The following PDSS2 variants were observed in gnomAD, a reference collection of about 807,000 sequenced individuals.
PDSS2 encodes the protein decaprenyl diphosphate synthase subunit 2.
In PDSS2, 31 loss-of-function variants were observed where a neutral mutation model predicts 44.5. The ratio of observed to expected loss-of-function variants is 0.70; its 90% confidence interval spans 0.52 to 0.94. The LOEUF is 0.94. Among genes scored for constraint, PDSS2 ranks in the 40% least tolerant of loss-of-function variants. The pLI, the probability that PDSS2 is intolerant of heterozygous loss-of-function variation, is 0.00. For missense variants in PDSS2, 452 were observed against 482.2 expected, an observed-to-expected ratio of 0.94 and a Z score of 0.59; for synonymous variants, 157 against 180.3, an observed-to-expected ratio of 0.87 and a Z score of 1.03.
chr6:107,319,576 C>G (rs926686393), intron 2 of PDSS2, among the ~76,000 whole-genome samples: 1 of 152,108 alleles, frequency 6.6e-6, no homozygotes, highest in African/African-American at 2.4e-5. Context: ...AAGGAAAGAC[C>G]TAAAATGGAT....
intron 1 of PDSS2, among the ~76,000 whole-genome samples, chr6:107,406,013 A>C (rs559130865): frequency 6.6e-6 from 1 of 152,292 alleles, no homozygotes; most frequent in East Asian, 1.9e-4. Context: ...CAATATATCC[A>C]TGTATCAAAA....
At chr6:107,292,502 CTCAGCAAGGAG>C (rs1449732671) in intron 2 of PDSS2, among the ~76,000 whole-genome samples, 1 of 152,194 alleles carries the variant, frequency 6.6e-6, no homozygotes, top group East Asian at 1.9e-4. Context: ...GATGTTGGGA[CTCAGCAAGGAG>C]TCACCATATT....
intron 6 of PDSS2, 37 bp downstream of exon 6, chr6:107,210,402 A>G: frequency 6.7e-7 from 1 of 1,486,992 alleles, no homozygotes; most frequent in Non-Finnish European, 9.4e-7. Flanking sequence ...TCCACTAATT[A>G]CTACTGGTAC....
At chr6:107,286,339 C>T (rs1433272980) in intron 2 of PDSS2, among the ~76,000 whole-genome samples, 3 of 150,088 alleles carry the variant, frequency 2.0e-5, no homozygotes, top group Admixed American at 6.7e-5. Flanking sequence ...GAAACCCCAC[C>T]TCTACTAAAA....
intron 7 of PDSS2, among the ~76,000 whole-genome samples, chr6:107,176,931 G>A (rs1444731848): frequency 6.6e-6 from 1 of 152,018 alleles, no homozygotes; most frequent in Non-Finnish European, 1.5e-5. Flanking sequence ...AGTAGTGCTT[G>A]CTATGTCAAG....
intron 7 of PDSS2, among the ~76,000 whole-genome samples, chr6:107,186,614 C>A (rs1373528128): frequency 6.6e-6 from 1 of 152,138 alleles, no homozygotes; most frequent in African/African-American, 2.4e-5. Flanking sequence ...TTCGCGCCCC[C>A]CTACCCCCCA....
intron 1 of PDSS2, among the ~76,000 whole-genome samples, chr6:107,448,474 G>A (rs2114842838): frequency 6.6e-6 from 1 of 152,274 alleles, no homozygotes; most frequent in African/African-American, 2.4e-5. Flanking sequence ...TAGCAAGAGT[G>A]ACCTTTACTC....
At chr6:107,264,740 AC>A (rs1461770468) in intron 3 of PDSS2, among the ~76,000 whole-genome samples, 1 of 152,162 alleles carries the variant, frequency 6.6e-6, no homozygotes, top group Non-Finnish European at 1.5e-5. Flanking sequence ...GTACTTCTCC[AC>A]TTCATGATTT....
intron 2 of PDSS2, among the ~76,000 whole-genome samples, chr6:107,290,943 C>T (rs766671362): frequency 1.3e-5 from 2 of 150,732 alleles, no homozygotes; most frequent in Non-Finnish European, 2.9e-5. Flanking sequence ...TGGGAGCAGA[C>T]GGAGAAACAG....
chr6:107,419,075 C>T (rs1212302892), intron 1 of PDSS2, among the ~76,000 whole-genome samples: 1 of 151,728 alleles, frequency 6.6e-6, no homozygotes, highest in East Asian at 1.9e-4. Context: ...CATGCCTTCT[C>T]CTGTCCCCAG....
chr6:107,228,459 C>T (rs1184674201), intron 4 of PDSS2, among the ~76,000 whole-genome samples: 4 of 152,102 alleles, frequency 2.6e-5, no homozygotes, highest in African/African-American at 4.8e-5. Context: ...TTTGGGAGGC[C>T]GAGGTGGGCA....
chr6:107,305,192 C>T (rs746122382), intron 2 of PDSS2, among the ~76,000 whole-genome samples: 12 of 151,860 alleles, frequency 7.9e-5, no homozygotes, highest in Admixed American at 3.3e-4. Context: ...TTCATATTAA[C>T]ACCATACCTT....
intron 1 of PDSS2, among the ~76,000 whole-genome samples, chr6:107,451,997 T>C (rs1280735973): frequency 2.0e-5 from 3 of 152,132 alleles, no homozygotes; most frequent in Admixed American, 2.0e-4. Context: ...AGGTTTTTCT[T>C]TTAGCCCATT....
Position 107,208,780 on chromosome 6 carries a change from C to T in PDSS2, c.1008+1659G>A, listed in dbSNP as rs111488146. Among the ~76,000 whole-genome samples, 179 of 151,846 alleles carry T rather than the reference C, an allele frequency of 1.2e-3. 1 individual carries two copies. Among genetic ancestry groups the T allele is most frequent in the African/African-American group, 4.0e-3 (164 of 41,402 alleles). On this transcript the variant is annotated intron_variant, in intron 6 of 7. Coordinates refer to ENST00000369037, the MANE Select transcript of PDSS2 (RefSeq NM_020381.4). ...TTCACCATGTTGGCCAGGCTGGTCTCGAACTCCTGACCTCAGGCGATCCAC... is the reference window on the plus strand; with the variant it reads ...TTCACCATGTTGGCCAGGCTGGTCTTGAACTCCTGACCTCAGGCGATCCAC...
At chr6:107,156,197 T>A (rs1426765248) in intron 7 of PDSS2, among the ~76,000 whole-genome samples, 4 of 29,396 alleles carry the variant, frequency 1.4e-4, no homozygotes, top group African/African-American at 2.2e-4. Flanking sequence ...GCCTGAATGC[T>A]TTTTTTTTTT....
At chr6:107,255,329 A>C (rs1774975477) in intron 3 of PDSS2, among the ~76,000 whole-genome samples, 2 of 150,846 alleles carry the variant, frequency 1.3e-5, no homozygotes. Context: ...AGTAGCTGGG[A>C]TTACAGGCGT....
chr6:107,239,843 T>C (rs1774359131), intron 4 of PDSS2, among the ~76,000 whole-genome samples: 1 of 152,052 alleles, frequency 6.6e-6, no homozygotes, highest in African/African-American at 2.4e-5. Flanking sequence ...GGTTTCACCA[T>C]GTTGGCCAGG....
At chr6:107,433,019 G>A (rs113312086) in intron 1 of PDSS2, among the ~76,000 whole-genome samples, 8 of 152,012 alleles carry the variant, frequency 5.3e-5, no homozygotes, top group African/African-American at 1.2e-4. Context: ...AGTGGGACAT[G>A]TGGTATGTAT....
chr6:107,232,185 TTAGA>T (rs1204347435), intron 4 of PDSS2, among the ~76,000 whole-genome samples: 2 of 152,170 alleles, frequency 1.3e-5, no homozygotes, highest in Non-Finnish European at 2.9e-5. Context: ...CTTTCCTTAG[TTAGA>T]TTTACTTGAA....
Sources: allele counts gnomAD v4.1 joint callset (sites outside exome capture counted in the v4.1 genomes callset), GRCh38; gene constraint gnomAD v4.1.1; transcripts MANE v1.5; gene names NCBI Gene and HGNC (gene_info 2026-07-23, HGNC 2026-07-21).